The following LTBP1 variants were observed in gnomAD, a reference collection of about 807,000 sequenced individuals.
The protein encoded by LTBP1 is latent-transforming growth factor beta-binding protein 1.
A neutral mutation model predicts 207.6 loss-of-function variants in LTBP1; 129 were observed. The observed-to-expected ratio is 0.62, with a 90% CI of 0.54 to 0.72. The LOEUF is 0.72. LTBP1 is among the 30% of genes least tolerant of loss of function. The pLI, the probability that LTBP1 is intolerant of heterozygous loss-of-function variation, is 0.00. For missense variants in LTBP1, 2,281 were observed against 2,217.2 expected, an observed-to-expected ratio of 1.03 and a Z score of -0.58; for synonymous variants, 963 against 833.7, an observed-to-expected ratio of 1.16 and a Z score of -2.67.
chr2:33,106,312 C>T (rs2080061163), intron 3 of LTBP1, among the ~76,000 whole-genome samples: 4 of 152,320 alleles, frequency 2.6e-5, no homozygotes, highest in South Asian at 2.1e-4. Flanking sequence ...TGGACCTCCT[C>T]CCATGAATCA....
chr2:33,203,473 A>G (rs758327367), intron 7 of LTBP1, among the ~76,000 whole-genome samples: 2 of 152,140 alleles, frequency 1.3e-5, no homozygotes, highest in African/African-American at 2.4e-5. Flanking sequence ...CCCAGACGTT[A>G]CCCTTCCTGC....
intron 2 of LTBP1, among the ~76,000 whole-genome samples, chr2:33,009,248 G>T (rs1284003974): frequency 1.3e-5 from 2 of 152,140 alleles, no homozygotes; most frequent in African/African-American, 2.4e-5. Context: ...ACAGGATTTG[G>T]AGCTGGATTG....
intron 2 of LTBP1, among the ~76,000 whole-genome samples, chr2:32,951,266 T>C (rs1384766190): frequency 6.6e-6 from 1 of 152,250 alleles, no homozygotes; most frequent in Non-Finnish European, 1.5e-5. Flanking sequence ...CTTCCTGTAC[T>C]TCCCAGTTTA....
intron 3 of LTBP1, among the ~76,000 whole-genome samples, chr2:33,040,580 C>G (rs981078388): frequency 6.6e-6 from 1 of 152,204 alleles, no homozygotes; most frequent in Non-Finnish European, 1.5e-5. Context: ...ACATATGTCA[C>G]TGCTCTCCAA....
chr2:33,230,534 C>T (rs1023330243), intron 9 of LTBP1, among the ~76,000 whole-genome samples: 4 of 152,086 alleles, frequency 2.6e-5, no homozygotes, highest in African/African-American at 9.7e-5. Context: ...TCTGATGGAT[C>T]TAGAGCAGCA....
rs575826043 is a variant in LTBP1, at chr2:33,170,116, C to T, written c.1202-16740C>T. Among the ~76,000 whole-genome samples the T allele has an allele frequency of 2.6e-4, 39 of 152,272 alleles. No homozygotes were observed. In the East Asian group the frequency reaches 4.1e-3, roughly 16 times the overall value. ...ATTTCTGCATTTCCATCTGAGGTAC[C>T]GGGTTCATCTCACTAGGGAGTGCCA... On this transcript the variant is annotated intron_variant, in intron 5 of 33. Coordinates refer to ENST00000404816, the MANE Select transcript of LTBP1 (RefSeq NM_206943.4).
chr2:33,238,087 AGTCT>A (rs1291018427), intron 9 of LTBP1, among the ~76,000 whole-genome samples: 5 of 151,876 alleles, frequency 3.3e-5, no homozygotes, highest in Non-Finnish European at 5.9e-5. Flanking sequence ...ATAACTTAAT[AGTCT>A]GTCTGGGAAA....
chr2:33,387,624 G>A (rs185550330), intron 31 of LTBP1, among the ~76,000 whole-genome samples: 9 of 152,252 alleles, frequency 5.9e-5, no homozygotes, highest in Admixed American at 2.6e-4. Context: ...GTGTGTGCAC[G>A]TGTGCACATG....
chr2:33,383,036 T>G lies in LTBP1; in HGVS notation c.4712-6148T>G, dbSNP rs533932375. Among the ~76,000 whole-genome samples, 8 of 152,302 alleles carry G rather than the reference T, an allele frequency of 5.3e-5. No homozygotes were observed. In the South Asian group the frequency reaches 1.7e-3, roughly 32 times the overall value. On this transcript the variant is annotated intron_variant, in intron 31 of 33. Coordinates refer to ENST00000404816, the MANE Select transcript of LTBP1 (RefSeq NM_206943.4). ...AATGGCCACCGTTTTTCTAATTTCA[T>G]AACTTTTACTAATTTCATTTAAAGA...
chr2:33,283,173 G>A (rs952183333), intron 19 of LTBP1, among the ~76,000 whole-genome samples: 1 of 151,544 alleles, frequency 6.6e-6, no homozygotes, highest in Non-Finnish European at 1.5e-5. Context: ...ACATAAGCAA[G>A]TACAATATAT....
intron 3 of LTBP1, among the ~76,000 whole-genome samples, chr2:33,088,701 G>T (rs1035154099): frequency 2.0e-5 from 3 of 152,132 alleles, no homozygotes; most frequent in African/African-American, 7.2e-5. Flanking sequence ...TAATGAACAG[G>T]TACATAAAGG....
intron 7 of LTBP1, among the ~76,000 whole-genome samples, chr2:33,216,139 G>A (rs758385182): frequency 3.3e-5 from 5 of 152,102 alleles, no homozygotes; most frequent in African/African-American, 1.2e-4. Context: ...CGTGTACTGT[G>A]TACTGGAATA....
At chr2:33,112,457 G>A (rs980265792) in intron 4 of LTBP1, among the ~76,000 whole-genome samples, 3 of 152,184 alleles carry the variant, frequency 2.0e-5, no homozygotes, top group Non-Finnish European at 4.4e-5. Context: ...ATAGTAAGGA[G>A]CTAGTAAAAG....
intron 3 of LTBP1, among the ~76,000 whole-genome samples, chr2:33,021,665 AAG>A (rs1349130639): frequency 5.3e-5 from 8 of 152,328 alleles, no homozygotes; most frequent in Non-Finnish European, 1.2e-4. Flanking sequence ...AGTCCTTGCA[AAG>A]AGAGAATTTC....
At chr2:33,058,319 A>G (rs1348860956) in intron 3 of LTBP1, among the ~76,000 whole-genome samples, 1 of 152,254 alleles carries the variant, frequency 6.6e-6, no homozygotes, top group East Asian at 1.9e-4. Context: ...CATTGACTAT[A>G]GGTTCTTAGA....
chr2:33,331,315 A>C (rs2094491968), intron 24 of LTBP1, among the ~76,000 whole-genome samples: 1 of 151,714 alleles, frequency 6.6e-6, no homozygotes, highest in Admixed American at 6.6e-5. Context: ...AGATCTTTAA[A>C]TCATTAGATT....
chr2:33,225,238 G>A (rs1422749466), intron 9 of LTBP1, among the ~76,000 whole-genome samples: 1 of 152,122 alleles, frequency 6.6e-6, no homozygotes, highest in Non-Finnish European at 1.5e-5. Context: ...CTATCATCTT[G>A]AACATTTATA....
chr2:33,271,148 C>A (rs950796652), intron 15 of LTBP1, among the ~76,000 whole-genome samples: 1 of 152,188 alleles, frequency 6.6e-6, no homozygotes. Context: ...CTAAGGCTGT[C>A]CCTGCCAAAT....
chr2:33,217,174 T>A (rs780385451), intron 7 of LTBP1, among the ~76,000 whole-genome samples: 1 of 152,210 alleles, frequency 6.6e-6, no homozygotes, highest in Non-Finnish European at 1.5e-5. Context: ...TGTTCCCTGA[T>A]GGTCCACACA....
Sources: gnomAD v4.1 joint callset for allele counts (sites outside exome capture counted in the v4.1 genomes callset) on GRCh38, gnomAD v4.1.1 for gene constraint, MANE v1.5 for transcripts, NCBI Gene and HGNC (gene_info 2026-07-23, HGNC 2026-07-21) for gene names.